STK32B: variants seen among roughly 807,000 people sequenced by gnomAD.
STK32B encodes serine/threonine-protein kinase 32B.
Under a neutral mutation model 52.6 loss-of-function variants are expected in STK32B, and 43 were observed. The observed-to-expected ratio is 0.82, with a 90% CI of 0.64 to 1.05. The LOEUF (loss-of-function observed/expected upper bound fraction) is 1.05. Among genes scored for constraint, STK32B ranks in the 50% least tolerant of loss-of-function variants. The probability of loss-of-function intolerance (pLI) is 0.00; values close to 1 mark genes in which losing one functional copy is unlikely to be tolerated. For synonymous variants in STK32B, 238 were observed against 204.3 expected (o/e 1.17, Z -1.41); for missense variants, 621 against 534.6 (o/e 1.16, Z -1.59).
intron 1 of STK32B, among the ~76,000 whole-genome samples, chr4:5,080,569 C>G (rs1712356241): frequency 6.6e-6 from 1 of 152,106 alleles, no homozygotes; most frequent in Non-Finnish European, 1.5e-5. Context: ...CTAATATATG[C>G]TTTTCTTATT....
chr4:5,254,389 G>A (rs2108836548), intron 3 of STK32B, among the ~76,000 whole-genome samples: 1 of 151,666 alleles, frequency 6.6e-6, no homozygotes, highest in African/African-American at 2.4e-5. Context: ...TTATTTCATT[G>A]ATTCCACCCC....
chr4:5,184,246 T>C (rs1720569494), intron 3 of STK32B, among the ~76,000 whole-genome samples: 1 of 152,216 alleles, frequency 6.6e-6, no homozygotes, highest in African/African-American at 2.4e-5. Context: ...GTAGTGTTAT[T>C]GCTTGGCCTA....
chr4:5,107,257 A>T (rs996889303), intron 1 of STK32B, among the ~76,000 whole-genome samples: 10 of 151,630 alleles, frequency 6.6e-5, no homozygotes, highest in African/African-American at 2.4e-4. Flanking sequence ...CCAAAATGAG[A>T]CCATCTAGTT....
chr4:5,355,288 A>G (rs1734096176), intron 4 of STK32B, among the ~76,000 whole-genome samples: 1 of 152,124 alleles, frequency 6.6e-6, no homozygotes, highest in East Asian at 1.9e-4. Context: ...ATATATGAGG[A>G]CCTTATATAT....
chr4:5,266,490 A>G (rs867247729), intron 3 of STK32B, among the ~76,000 whole-genome samples: 1 of 152,234 alleles, frequency 6.6e-6, no homozygotes, highest in Non-Finnish European at 1.5e-5. Flanking sequence ...AATTAAATTC[A>G]CACATGGGAC....
chr4:5,434,782 T>C (rs1366084481), intron 6 of STK32B, among the ~76,000 whole-genome samples: 1 of 152,300 alleles, frequency 6.6e-6, no homozygotes, highest in Non-Finnish European at 1.5e-5. Flanking sequence ...CATTAGCTTT[T>C]CCAAGACATG....
chr4:5,319,841 C>G (rs1489502510), intron 3 of STK32B, among the ~76,000 whole-genome samples: 2 of 152,168 alleles, frequency 1.3e-5, no homozygotes, highest in South Asian at 4.1e-4. Context: ...ACAGGGAGAA[C>G]TGACCTGCAG....
chr4:5,455,703 G>A (rs1199608117), intron 7 of STK32B, among the ~76,000 whole-genome samples: 4 of 152,104 alleles, frequency 2.6e-5, no homozygotes, highest in African/African-American at 7.2e-5. Context: ...GGACTGAGAC[G>A]TTCACTGTCG....
intron 6 of STK32B, among the ~76,000 whole-genome samples, chr4:5,446,201 C>G (rs545219306): frequency 6.6e-6 from 1 of 152,248 alleles, no homozygotes; most frequent in Non-Finnish European, 1.5e-5. Context: ...TGTTCTCAGA[C>G]AGCTCATGGC....
chr4:5,492,325 T>C (rs1280374559), intron 11 of STK32B, among the ~76,000 whole-genome samples: 2 of 152,158 alleles, frequency 1.3e-5, no homozygotes, highest in South Asian at 4.1e-4. Flanking sequence ...CTAGGTATTT[T>C]ATTCTCTTTG....
chr4:5,457,398 G>A (rs1428985027), intron 8 of STK32B, among the ~76,000 whole-genome samples: 1 of 150,828 alleles, frequency 6.6e-6, no homozygotes, highest in Non-Finnish European at 1.5e-5. Context: ...TGTATTTTTA[G>A]TAGAGACGGG....
intron 3 of STK32B, among the ~76,000 whole-genome samples, chr4:5,268,493 A>G (rs888599657): frequency 8.6e-5 from 13 of 150,686 alleles, no homozygotes; most frequent in Admixed American, 4.6e-4. Flanking sequence ...TTTGGTCACT[A>G]TCATTACCCT....
At chr4:5,040,463 G>A in the STK32B span, among the ~76,000 whole-genome samples, 1 of 141,764 alleles carries the variant, frequency 7.1e-6, no homozygotes, top group Non-Finnish European at 1.5e-5. Flanking sequence ...GCACGATCTT[G>A]GCTCACTGCA....
intron 4 of STK32B, among the ~76,000 whole-genome samples, chr4:5,345,156 T>C (rs1042173494): frequency 1.3e-5 from 2 of 152,034 alleles, no homozygotes; most frequent in African/African-American, 4.8e-5. Flanking sequence ...TATCATCTTA[T>C]TGAATTCAAT....
At chr4:5,375,044 G>T (rs10035056) in intron 4 of STK32B, among the ~76,000 whole-genome samples, 41 of 152,246 alleles carry the variant, frequency 2.7e-4, no homozygotes, top group African/African-American at 9.9e-4. Context: ...ATGAGCCAAG[G>T]AACCAATGAA....
chr4:5,093,114 A>G (rs1713185684), intron 1 of STK32B, among the ~76,000 whole-genome samples: 1 of 152,232 alleles, frequency 6.6e-6, no homozygotes, highest in Non-Finnish European at 1.5e-5. Context: ...AAAAACTTGC[A>G]GAAGAAAAAC....
chr4:5,142,430 G>T (rs1398181653), intron 2 of STK32B, among the ~76,000 whole-genome samples: 3 of 152,166 alleles, frequency 2.0e-5, no homozygotes, highest in Non-Finnish European at 4.4e-5. Flanking sequence ...ACTTTAATTT[G>T]TCTTTTCTAC....
At chr4:5,073,931 G>A (rs1209362005) in intron 1 of STK32B, among the ~76,000 whole-genome samples, 2 of 151,912 alleles carry the variant, frequency 1.3e-5, no homozygotes, top group Middle Eastern at 3.4e-3. Flanking sequence ...GATATATCAA[G>A]ATGTGGTTTT....
At chr4:5,237,113 G>A (rs1434002669) in intron 3 of STK32B, among the ~76,000 whole-genome samples, 1 of 152,174 alleles carries the variant, frequency 6.6e-6, no homozygotes, top group Non-Finnish European at 1.5e-5. Flanking sequence ...AGTTTGCCAG[G>A]TGGGAGGCTG....
Sources: gnomAD v4.1 joint callset for allele counts (sites outside exome capture counted in the v4.1 genomes callset) on GRCh38, gnomAD v4.1.1 for gene constraint, MANE v1.5 for transcripts, NCBI Gene and HGNC (gene_info 2026-07-23, HGNC 2026-07-21) for gene names.